The following TENM3 variants were observed in gnomAD, a reference collection of about 807,000 sequenced individuals.
TENM3 encodes teneurin transmembrane protein 3.
In TENM3, 63 loss-of-function variants were observed where a neutral mutation model predicts 255.1. The ratio of observed to expected loss-of-function variants is 0.25; its 90% CI spans 0.20 to 0.30. The LOEUF (loss-of-function observed/expected upper bound fraction) is 0.30. Among genes scored for constraint, TENM3 ranks in the 10% least tolerant of loss-of-function variants. The probability of loss-of-function intolerance (pLI) is 1.00; values close to 1 mark genes in which losing one functional copy is unlikely to be tolerated. For synonymous variants in TENM3, 1,306 were observed against 1,322.3 expected, an observed-to-expected ratio of 0.99 and a Z score of 0.27; for missense variants, 2,929 against 3,461.1, an observed-to-expected ratio of 0.85 and a Z score of 3.86.
chr4:182,480,410 A>C (rs927447826), intron 3 of TENM3, among the ~76,000 whole-genome samples: 1 of 152,108 alleles, frequency 6.6e-6, no homozygotes, highest in Non-Finnish European at 1.5e-5. Flanking sequence ...AAAATATCCT[A>C]GAAACACAGC....
chr4:182,337,897 C>A (rs1332384187), intron 2 of TENM3, among the ~76,000 whole-genome samples: 1 of 152,098 alleles, frequency 6.6e-6, no homozygotes, highest in African/African-American at 2.4e-5. Flanking sequence ...TGTATGACTC[C>A]ATTTATATAA....
chr4:182,318,347 C>A (rs142650861), intron 1 of TENM3, among the ~76,000 whole-genome samples: 2 of 151,872 alleles, frequency 1.3e-5, no homozygotes, highest in African/African-American at 4.8e-5. Flanking sequence ...TTTAAAGATA[C>A]AAAATTTACA....
the TENM3 span, among the ~76,000 whole-genome samples, chr4:181,596,577 A>C: frequency 6.6e-6 from 1 of 152,180 alleles, no homozygotes; most frequent in African/African-American, 2.4e-5. Context: ...GATCCCAATT[A>C]AAGTAACCTC....
the TENM3 span, among the ~76,000 whole-genome samples, chr4:181,936,044 A>G: frequency 6.6e-6 from 1 of 152,154 alleles, no homozygotes; most frequent in Admixed American, 6.6e-5. Flanking sequence ...GTAAATAGAT[A>G]TTTATTACGG....
chr4:181,616,136 C>T, the TENM3 span, among the ~76,000 whole-genome samples: 1 of 151,482 alleles, frequency 6.6e-6, no homozygotes, highest in Non-Finnish European at 1.5e-5. Context: ...TGGTTTAATC[C>T]TTTAGGTAAT....
In TENM3 at chr4:182,754,588, C is replaced by T. The variant is rs765304729; in HGVS notation, c.4221C>T (p.Ala1407=). Residue 1407 remains alanine (A), a synonymous_variant, in exon 22 of 28, where the codon GCC becomes GCT. Transcript: ENST00000511685. This position sits in a 1 kb window ranked among gnomAD's most constrained non-coding sequence, Gnocchi z 5.1. ...AGACAACACTGGAATCAGCCACTGC[C>T]ATTGCTGTGTCCTACAGTGGGGTCC... ...AVQTTLESAT[A]IAVSYSGVLY... 21 of 1,613,980 alleles carry T rather than the reference C, an allele frequency of 1.3e-5. 1 individual carries two copies. In the South Asian group the frequency reaches 2.2e-4, roughly 17 times the overall value.
the TENM3 span, among the ~76,000 whole-genome samples, chr4:181,899,991 T>G: frequency 2.6e-5 from 4 of 152,320 alleles, no homozygotes; most frequent in East Asian, 7.7e-4. Context: ...TCATTTTATA[T>G]TGGTTGTAGT....
upstream of TENM3, chr4:182,144,054 C>G (rs759314949): frequency 2.6e-5 from 4 of 152,670 alleles, no homozygotes; most frequent in Non-Finnish European, 5.9e-5. Context: ...TACCTGTCAT[C>G]TTGACAAGTG....
In TENM3 at chr4:182,217,009, CTTTTTTTTTT is replaced by C. The variant is rs3071526; in HGVS notation, c.-76+72277_-76+72286del. Among the ~76,000 whole-genome samples the C allele has an allele frequency of 1.5e-4, 10 of 67,528 alleles. No individual in the cohort carries two copies. In the East Asian group the frequency reaches 2.4e-3, roughly 16 times the overall value. 44.3% of individuals were successfully genotyped at this position (67,528 alleles called of 152,430 possible). The stretch of plus-strand genomic sequence containing the variant: ...TCTAAATTTCACCATCATTTTCTTT[CTTTTTTTTTT>C]TTTTTTTTTTTTTTTTTTTTTGAGA... On this transcript the variant is annotated intron_variant, in intron 1 of 2. Coordinates refer to the TENM3 transcript ENST00000512480.
intron 2 of TENM3, among the ~76,000 whole-genome samples, chr4:182,333,165 C>G (rs1478659699): frequency 6.6e-6 from 1 of 152,142 alleles, no homozygotes; most frequent in Non-Finnish European, 1.5e-5. Context: ...CTATTCAACA[C>G]CACCCTTCAT....
chr4:181,670,096 G>C, the TENM3 span, among the ~76,000 whole-genome samples: 1 of 152,172 alleles, frequency 6.6e-6, no homozygotes, highest in Non-Finnish European at 1.5e-5. Context: ...AAGATAAACA[G>C]CTTATAATTT....
chr4:182,223,888 T>C (rs1755991398), intron 1 of TENM3, among the ~76,000 whole-genome samples: 1 of 151,820 alleles, frequency 6.6e-6, no homozygotes, highest in Non-Finnish European at 1.5e-5. Context: ...CTAAAAGCAG[T>C]GGCCTGTCCA....
intron 4 of TENM3, among the ~76,000 whole-genome samples, chr4:182,621,189 A>AG (rs986043229): frequency 6.6e-6 from 1 of 151,284 alleles, no homozygotes; most frequent in African/African-American, 2.4e-5. Context: ...TAAAAAAAAA[A>AG]AGATTTAGTA....
At chr4:182,101,812 G>A in the TENM3 span, among the ~76,000 whole-genome samples, 2 of 152,222 alleles carry the variant, frequency 1.3e-5, no homozygotes, top group South Asian at 4.1e-4. Context: ...TGAGGTGATG[G>A]ATATATTACT....
the TENM3 span, among the ~76,000 whole-genome samples, chr4:181,872,996 T>C: frequency 6.6e-6 from 1 of 152,190 alleles, no homozygotes; most frequent in Non-Finnish European, 1.5e-5. Context: ...ACTTTGATTT[T>C]TATGTGATCT....
chr4:181,934,076 G>GTGTGCA, the TENM3 span, among the ~76,000 whole-genome samples: 2 of 98,872 alleles, frequency 2.0e-5, no homozygotes, highest in African/African-American at 8.4e-5. Flanking sequence ...GTGTGTGTGT[G>GTGTGCA]CGCGCGCTTT....
intron 2 of TENM3, among the ~76,000 whole-genome samples, chr4:182,338,509 A>G (rs1764280860): frequency 6.6e-6 from 1 of 152,182 alleles, no homozygotes; most frequent in Admixed American, 6.5e-5. Flanking sequence ...GTTTTATTAG[A>G]ATATTACTAA....
At chr4:181,944,348 A>G in the TENM3 span, among the ~76,000 whole-genome samples, 1 of 152,244 alleles carries the variant, frequency 6.6e-6, no homozygotes, top group Admixed American at 6.5e-5. Context: ...TCCCAGCTCC[A>G]GAAGAGAGAA....
chr4:182,429,654 A>C (rs2151183959), intron 3 of TENM3, among the ~76,000 whole-genome samples: 1 of 152,334 alleles, frequency 6.6e-6, no homozygotes, highest in Non-Finnish European at 1.5e-5. Flanking sequence ...AAGTTTGGAA[A>C]ATTTCTAAAT....
Sources: allele counts gnomAD v4.1 joint callset (sites outside exome capture counted in the v4.1 genomes callset), GRCh38; gene constraint gnomAD v4.1.1; non-coding constraint Gnocchi (gnomAD v3.1); transcripts MANE v1.5; gene names NCBI Gene and HGNC (gene_info 2026-07-23, HGNC 2026-07-21).